The following RBMS1 variants were observed in gnomAD, a reference collection of about 807,000 sequenced individuals.
RBMS1 encodes the protein RNA-binding motif, single-stranded-interacting protein 1.
In RBMS1, 17 loss-of-function variants were observed where a neutral mutation model predicts 62.3. The observed-to-expected ratio is 0.27, with a 90% CI of 0.19 to 0.41. The LOEUF (loss-of-function observed/expected upper bound fraction) is 0.41. Among genes scored for constraint, RBMS1 ranks in the 10% least tolerant of loss-of-function variants. The pLI is 1.00. For missense variants in RBMS1, 334 were observed against 504.5 expected (o/e 0.66, Z 3.24); for synonymous variants, 172 against 170.0 (o/e 1.01, Z -0.09).
intron 2 of RBMS1, among the ~76,000 whole-genome samples, chr2:160,324,911 C>T (rs143109289): frequency 0.25 from 25,333 of 100,054 alleles, 3,248 homozygotes; most frequent in Admixed American, 0.42. Flanking sequence ...TATATATACA[C>T]ACACACACAC....
intron 9 of RBMS1, chr2:160,282,803 C>A (rs1162577393): frequency 3.3e-5 from 5 of 153,426 alleles, no homozygotes; most frequent in African/African-American, 7.2e-5. Context: ...TAATTGCACA[C>A]ACACAAGCAA....
intron 2 of RBMS1, among the ~76,000 whole-genome samples, chr2:160,342,976 A>G (rs1399379629): frequency 1.3e-5 from 2 of 151,920 alleles, no homozygotes; most frequent in Admixed American, 6.6e-5. Context: ...AGAAAAAACA[A>G]TTATCTCCCA....
chr2:160,275,141 A>G (rs1687763117), intron 13 of RBMS1, among the ~76,000 whole-genome samples: 1 of 152,206 alleles, frequency 6.6e-6, no homozygotes, highest in African/African-American at 2.4e-5. Context: ...TCTGCATGGT[A>G]AAGTGAAAAG....
chr2:160,286,901 AC>A, intron 7 of RBMS1, 67 bp downstream of exon 7: 1 of 1,602,282 alleles, frequency 6.2e-7, no homozygotes. Flanking sequence ...TTTTTGTGTT[AC>A]TTTTCATGTG....
chr2:160,488,368 G>A (rs1458382099), intron 1 of RBMS1, among the ~76,000 whole-genome samples: 2 of 152,186 alleles, frequency 1.3e-5, no homozygotes, highest in East Asian at 3.8e-4. Context: ...ACGAGGTCCG[G>A]AGTTCAAGAC....
intron 1 of RBMS1, chr2:160,432,282 G>C (rs1415642725): frequency 6.6e-6 from 1 of 152,162 alleles, no homozygotes; most frequent in Admixed American, 6.5e-5. Context: ...CAGGGAAAAG[G>C]GGATTGACTC....
At chr2:160,283,347 ACT>A (rs1204987653) in intron 9 of RBMS1, 6 of 152,312 alleles carry the variant, frequency 3.9e-5, no homozygotes, top group African/African-American at 1.4e-4. Flanking sequence ...AGCAGATCTC[ACT>A]GAGTCTTATA....
chr2:160,361,673 T>C (rs1046243904), intron 2 of RBMS1, among the ~76,000 whole-genome samples: 1 of 152,172 alleles, frequency 6.6e-6, no homozygotes, highest in Admixed American at 6.5e-5. Context: ...AATACTTTAT[T>C]AGCCAGGCAC....
At chr2:160,426,292 AAGAAAGAAGGAAG>A (rs1559537434) in intron 1 of RBMS1, among the ~76,000 whole-genome samples, 7 of 89,158 alleles carry the variant, frequency 7.9e-5, no homozygotes, top group East Asian at 6.2e-4. Flanking sequence ...AAAGAAAGAA[AAGAAAGAAGGAAG>A]GAAGGAAGGA....
intron 1 of RBMS1, among the ~76,000 whole-genome samples, chr2:160,486,154 T>C (rs1015076587): frequency 2.0e-5 from 3 of 152,164 alleles, no homozygotes; most frequent in Admixed American, 1.3e-4. Flanking sequence ...ATACTCCCAA[T>C]TGCAACTCAA....
At chr2:160,348,395 G>C (rs967176188) in intron 2 of RBMS1, among the ~76,000 whole-genome samples, 1 of 152,136 alleles carries the variant, frequency 6.6e-6, no homozygotes, top group Non-Finnish European at 1.5e-5. Flanking sequence ...ATTTATGTAT[G>C]TAGCATGTAT....
At position 160,285,033 on chromosome 2, in the gene RBMS1, T is replaced by C. The variant is rs1283681613; in HGVS notation, c.768A>G (p.Thr256=). The C allele has an allele frequency of 1.2e-6, 2 of 1,612,724 alleles. No individual in the cohort carries two copies. Among genetic ancestry groups the C allele is most frequent in the African/African-American group, 1.3e-5 (1 of 75,034 alleles). ...REGEVRLAGM[T]LTYDPTTAAI... ...CAGCTGTAGTTGGGTCGTAAGTAAG[T>C]GTCATTCCAGCCTATGGGAAAGAGA... is the stretch of plus-strand genomic sequence containing the variant. The change falls in exon 8 of 14, where the codon ACA becomes ACG. Residue 256 remains threonine (T), a synonymous_variant. Transcript: ENST00000348849.
intron 1 of RBMS1, among the ~76,000 whole-genome samples, chr2:160,391,965 A>G (rs1405704710): frequency 6.6e-6 from 1 of 152,224 alleles, no homozygotes; most frequent in East Asian, 1.9e-4. Flanking sequence ...ATCTCCAAAA[A>G]AAAAAACCAA....
intron 1 of RBMS1, among the ~76,000 whole-genome samples, chr2:160,414,292 C>G (rs1696136612): frequency 6.6e-6 from 1 of 152,116 alleles, no homozygotes; most frequent in African/African-American, 2.4e-5. Flanking sequence ...TCTCTTTAAA[C>G]CAGTTTTTTT....
At chr2:160,298,388 G>C (rs1423314594) in intron 6 of RBMS1, among the ~76,000 whole-genome samples, 1 of 152,154 alleles carries the variant, frequency 6.6e-6, no homozygotes, top group Non-Finnish European at 1.5e-5. Flanking sequence ...CTGGGGAACA[G>C]CCAGGATGAG....
chr2:160,449,009 G>A (rs1686857327), intron 1 of RBMS1, among the ~76,000 whole-genome samples: 2 of 150,528 alleles, frequency 1.3e-5, no homozygotes, highest in Admixed American at 6.6e-5. Flanking sequence ...GGTGAGGAGT[G>A]TGTCTGCCCG....
intron 1 of RBMS1, 26 bp downstream of exon 1, chr2:160,493,263 G>A (rs768857877): frequency 5.3e-5 from 85 of 1,608,014 alleles, no homozygotes; most frequent in Non-Finnish European, 6.2e-5. Flanking sequence ...TCCTCCGGCC[G>A]TCACCTCTCC....
chr2:160,346,429 T>C (rs1430844079), intron 2 of RBMS1, among the ~76,000 whole-genome samples: 1 of 152,038 alleles, frequency 6.6e-6, no homozygotes, highest in Non-Finnish European at 1.5e-5. Context: ...ATCAAAATGG[T>C]ATAAAATGAG....
intron 1 of RBMS1, among the ~76,000 whole-genome samples, chr2:160,381,250 G>A (rs1234173784): frequency 1.3e-5 from 2 of 152,094 alleles, no homozygotes; most frequent in African/African-American, 4.8e-5. Context: ...TAGGGGGATA[G>A]GTTTAGCTCT....
Sources: gnomAD v4.1 joint callset for allele counts (sites outside exome capture counted in the v4.1 genomes callset) on GRCh38, gnomAD v4.1.1 for gene constraint, MANE v1.5 for transcripts, NCBI Gene and HGNC (gene_info 2026-07-23, HGNC 2026-07-21) for gene names.